The following UBASH3A variants were observed in gnomAD, a reference collection of about 807,000 sequenced individuals.
The protein encoded by UBASH3A is ubiquitin associated and SH3 domain containing A.
Under a neutral mutation model 73.5 loss-of-function variants are expected in UBASH3A, and 63 were observed. The observed-to-expected ratio is 0.86, with a 90% CI of 0.70 to 1.06. The LOEUF is 1.06. Ranked by LOEUF, UBASH3A falls within the 50% of genes least tolerant of loss-of-function variation. The pLI, the probability that UBASH3A is intolerant of heterozygous loss-of-function variation, is 0.00. For missense variants in UBASH3A, 860 were observed against 859.0 expected (o/e 1.00, Z -0.02); for synonymous variants, 363 against 351.1 (o/e 1.03, Z -0.38).
chr21:42,406,235 C>A, intron 1 of UBASH3A, 73 bp from the exon 2 acceptor site: 1 of 1,292,160 alleles, frequency 7.7e-7, no homozygotes, highest in Non-Finnish European at 1.1e-6. Flanking sequence ...TGTGCAAGGC[C>A]ACACCCTGCC....
chr21:42,441,518 T>C (rs1330217968), intron 11 of UBASH3A, among the ~76,000 whole-genome samples: 2 of 107,538 alleles, frequency 1.9e-5, no homozygotes, highest in Non-Finnish European at 3.8e-5. Flanking sequence ...GAAGGAGGAC[T>C]CGGGGGCCTG....
chr21:42,435,860 T>C (rs2053617073), intron 10 of UBASH3A, among the ~76,000 whole-genome samples: 1 of 151,748 alleles, frequency 6.6e-6, no homozygotes, highest in Non-Finnish European at 1.5e-5. Context: ...GAGTTAGTTA[T>C]AGAGTTATAG....
At chr21:42,416,816 C>T (rs1019618024) in intron 6 of UBASH3A, among the ~76,000 whole-genome samples, 2 of 152,146 alleles carry the variant, frequency 1.3e-5, no homozygotes, top group Non-Finnish European at 2.9e-5. Flanking sequence ...ACCTGTAGTC[C>T]CAGCTACTCA....
At chr21:42,441,443 G>A (rs2053739726) in intron 11 of UBASH3A, among the ~76,000 whole-genome samples, 2 of 145,632 alleles carry the variant, frequency 1.4e-5, no homozygotes, top group South Asian at 2.3e-4. Flanking sequence ...GGACTTGGGG[G>A]CCCAGTTGAT....
In UBASH3A at chr21:42,442,521, C is replaced by G. The variant is rs767529029; in HGVS notation, c.1556C>G (p.Ala519Gly). The change falls in exon 12 of 15, where the codon GCT becomes GGT. Residue 519 changes from alanine (A) to glycine (G), a missense_variant. By Grantham distance (60) the Ala-to-Gly change is moderately conservative. Coordinates refer to ENST00000319294, the MANE Select transcript of UBASH3A (RefSeq NM_018961.4). ...PGIFEWTKWE[A>G]GKTTPTLMSL... ...ATCTTTGAATGGACAAAATGGGAAG[C>G]TGGCAAAACCACCCCAACCCTCATG... The G allele has an allele frequency of 6.2e-7, 1 of 1,614,040 alleles. No homozygotes were observed. Among genetic ancestry groups the G allele is most frequent in the African/African-American group, 1.3e-5 (1 of 74,902 alleles).
intron 7 of UBASH3A, among the ~76,000 whole-genome samples, chr21:42,424,486 C>T (rs779339543): frequency 6.6e-5 from 10 of 152,104 alleles, no homozygotes; most frequent in Non-Finnish European, 1.3e-4. Flanking sequence ...GATGGAGGAC[C>T]GTATTCACAA....
chr21:42,440,882 C>CT (rs369703560), intron 11 of UBASH3A, among the ~76,000 whole-genome samples: 46 of 152,218 alleles, frequency 3.0e-4, no homozygotes, highest in African/African-American at 9.9e-4. Flanking sequence ...ATAATTTTAT[C>CT]TTTTTTTTGT....
At chr21:42,439,576 C>T (rs960330780) in intron 11 of UBASH3A, among the ~76,000 whole-genome samples, 1 of 152,110 alleles carries the variant, frequency 6.6e-6, no homozygotes, top group African/African-American at 2.4e-5. Context: ...GAGGCAGCTC[C>T]ACCCGAGGGC....
chr21:42,445,927 C>T (rs2053836478), intron 14 of UBASH3A, among the ~76,000 whole-genome samples: 2 of 152,154 alleles, frequency 1.3e-5, no homozygotes, highest in African/African-American at 4.8e-5. Context: ...CCACCTGCTC[C>T]CAAAATGTTG....
At chr21:42,416,403 C>T (rs780617196) in intron 5 of UBASH3A, 39 bp from the exon 6 acceptor site, 1 of 1,512,594 alleles carries the variant, frequency 6.6e-7, no homozygotes, top group South Asian at 1.3e-5. Flanking sequence ...ATTTAGGTAA[C>T]GGTGTCCTGG....
chr21:42,447,134 G>A lies in UBASH3A; in HGVS notation c.1926G>A (p.Lys642=). ...GKWELVNPPV[K]TLTHGANAAF... Reference sequence around the variant, plus strand: ...GGGAGTTGGTGAACCCACCGGTGAAGACCCTGACCCACGGGGCGAACGCAG... The same window carrying A: ...GGGAGTTGGTGAACCCACCGGTGAAAACCCTGACCCACGGGGCGAACGCAG... The change falls in exon 15 of 15, where the codon AAG becomes AAA. Residue 642 remains lysine (K), a synonymous_variant. Coordinates refer to ENST00000319294, the MANE Select transcript of UBASH3A (RefSeq NM_018961.4). 6.2e-7 allele frequency: 1 copy of A among 1,614,214 alleles called. No individual in the cohort carries two copies. The highest frequency in any genetic ancestry group is 8.5e-7 in the Non-Finnish European group (1 of 1,180,018).
chr21:42,438,967 G>A (rs1286444481), intron 11 of UBASH3A, among the ~76,000 whole-genome samples: 1 of 152,110 alleles, frequency 6.6e-6, no homozygotes, highest in Non-Finnish European at 1.5e-5. Flanking sequence ...GGCCACGAGG[G>A]GCCGGGACCT....
chr21:42,404,918 G>T (rs2052938615), intron 1 of UBASH3A, among the ~76,000 whole-genome samples: 1 of 152,182 alleles, frequency 6.6e-6, no homozygotes, highest in African/African-American at 2.4e-5. Flanking sequence ...TTGGGTTACA[G>T]CTTTCATGGC....
chr21:42,416,674 C>T, intron 6 of UBASH3A, 63 bp downstream of exon 6: 12 of 1,391,510 alleles, frequency 8.6e-6, no homozygotes, highest in African/African-American at 1.5e-5. Context: ...GTGGCTCACG[C>T]CTGTAATCCC....
At chr21:42,407,095 G>A (rs1029175889) in intron 2 of UBASH3A, among the ~76,000 whole-genome samples, 26 of 152,132 alleles carry the variant, frequency 1.7e-4, no homozygotes, top group African/African-American at 5.6e-4. Context: ...TACCAGCTGC[G>A]TGAGTGATTC....
intron 9 of UBASH3A, among the ~76,000 whole-genome samples, chr21:42,434,488 C>T (rs1156603069): frequency 2.0e-5 from 3 of 152,178 alleles, no homozygotes; most frequent in Non-Finnish European, 4.4e-5. Flanking sequence ...CAGATTCTTA[C>T]CGAGTTACAC....
chr21:42,424,094 C>T (rs1162764852), intron 7 of UBASH3A, among the ~76,000 whole-genome samples: 1 of 152,124 alleles, frequency 6.6e-6, no homozygotes, highest in East Asian at 1.9e-4. Context: ...ACAGCAATGT[C>T]CAGAGGCCAG....
intron 5 of UBASH3A, among the ~76,000 whole-genome samples, chr21:42,414,617 G>A (rs1038617782): frequency 1.3e-5 from 2 of 152,182 alleles, no homozygotes; most frequent in Non-Finnish European, 2.9e-5. Flanking sequence ...TTCCCGTAAG[G>A]GTAGAGGCCG....
rs1289489163 is a variant in UBASH3A, at chr21:42,443,997, G to A, written c.1739-537G>A. Among the ~76,000 whole-genome samples the A allele has an allele frequency of 2.0e-5, 3 of 152,160 alleles. No individual in the cohort carries two copies. In the East Asian group the frequency reaches 5.8e-4, roughly 29 times the overall value. On this transcript the variant is annotated intron_variant, in intron 13 of 14. Coordinates refer to ENST00000319294, the MANE Select transcript of UBASH3A (RefSeq NM_018961.4). ...CGCCCCCTTCCCTGACCCATCACAC[G>A]GGTCTCCTAACCCTCCCGTGTTGCT... is the stretch of plus-strand genomic sequence containing the variant.
Sources: gnomAD v4.1 joint callset for allele counts (sites outside exome capture counted in the v4.1 genomes callset) on GRCh38, gnomAD v4.1.1 for gene constraint, MANE v1.5 for transcripts, NCBI Gene and HGNC (gene_info 2026-07-23, HGNC 2026-07-21) for gene names.